The following LRPAP1 variants were observed in gnomAD, a reference collection of about 807,000 sequenced individuals.
The protein encoded by LRPAP1 is alpha-2-macroglobulin receptor-associated protein.
LRPAP1 carries 41 observed loss-of-function variants against 39.9 expected under a neutral mutation model. The observed-to-expected ratio is 1.03, with a 90% CI of 0.80 to 1.33. The LOEUF (loss-of-function observed/expected upper bound fraction) is 1.33. Among genes scored for constraint, LRPAP1 ranks in the 40% most tolerant of loss-of-function variants. LRPAP1 has a pLI of 0.00. For missense variants in LRPAP1, 565 were observed against 482.3 expected (o/e 1.17, Z -1.61); for synonymous variants, 263 against 212.7 (o/e 1.24, Z -2.06).
chr4:3,526,731 A>G (rs1272382182), intron 1 of LRPAP1, among the ~76,000 whole-genome samples: 1 of 152,164 alleles, frequency 6.6e-6, no homozygotes, highest in Non-Finnish European at 1.5e-5. Context: ...CTCTGCCTGT[A>G]TCTAGACTGA....
chr4:3,528,920 G>A (rs1230761945), intron 1 of LRPAP1, among the ~76,000 whole-genome samples: 1 of 152,210 alleles, frequency 6.6e-6, no homozygotes, highest in African/African-American at 2.4e-5. Flanking sequence ...GAGCTGGGGT[G>A]GGGCTCTGAG....
At chr4:3,517,843 A>G in intron 5 of LRPAP1, 191 bp downstream of exon 5, 1 of 583,960 alleles carries the variant, frequency 1.7e-6, no homozygotes, top group Non-Finnish European at 2.8e-6. Flanking sequence ...GGGGACGGCG[A>G]GTGACCTTCA....
Position 3,524,989 on chromosome 4 carries a change from G to A in LRPAP1, c.267C>T (p.Asp89=), listed in dbSNP as rs1444463983. 6.8e-6 allele frequency: 11 copies of A among 1,614,060 alleles called. No homozygotes were observed. Among genetic ancestry groups the A allele is most frequent in the African/African-American group, 1.3e-5 (1 of 75,014 alleles). ...GCTTTAGTTTCTTCCAGGCGAGTTC[G>A]TCCCTCTCCTGTATCTTCAGATCAG... ...LHADLKIQER[D]ELAWKKLKLD... Residue 89 remains aspartate (D), a synonymous_variant, in exon 2 of 8, where the codon GAC becomes GAT. Transcript: ENST00000650182.
chr4:3,524,192 G>C (rs2108694201), intron 2 of LRPAP1, among the ~76,000 whole-genome samples: 1 of 152,318 alleles, frequency 6.6e-6, no homozygotes, highest in African/African-American at 2.4e-5. Context: ...GGATGGCGGA[G>C]GAGAGGGGTC....
chr4:3,516,342 C>T, intron 5 of LRPAP1, 144 bp from the exon 6 acceptor site: 1 of 488,600 alleles, frequency 2.0e-6, no homozygotes, highest in Non-Finnish European at 3.5e-6. Context: ...GGTGCGTGCA[C>T]TCAAAGTCTT....
chr4:3,526,329 G>C (rs2108696181), intron 1 of LRPAP1, among the ~76,000 whole-genome samples: 1 of 152,314 alleles, frequency 6.6e-6, no homozygotes, highest in South Asian at 2.1e-4. Context: ...AGCTCCAGGT[G>C]CCCATCACCT....
intron 4 of LRPAP1, among the ~76,000 whole-genome samples, chr4:3,518,540 G>A (rs1010343302): frequency 3.9e-5 from 6 of 152,180 alleles, no homozygotes; most frequent in South Asian, 2.1e-4. Context: ...TCACACATTT[G>A]GGGAGGGTCA....
intron 2 of LRPAP1, among the ~76,000 whole-genome samples, chr4:3,523,605 G>A (rs1729986951): frequency 6.6e-6 from 1 of 152,180 alleles, no homozygotes; most frequent in African/African-American, 2.4e-5. Flanking sequence ...TGCAACTCCA[G>A]ACAAATCACC....
chr4:3,509,082 A>T lies in LRPAP1; in HGVS notation c.*3892T>A, dbSNP rs1221660608. 1 of 152,294 alleles carries T rather than the reference A, an allele frequency of 6.6e-6. No homozygotes were observed. The highest frequency in any genetic ancestry group is 1.5e-5 in the Non-Finnish European group (1 of 68,056). The allele number at this position is 152,294 out of a possible 1,614,324, so 9.4% of individuals were successfully genotyped here. A position where few individuals can be genotyped will look rare whatever the true frequency, so the allele number is the denominator to read the frequency against. ...GAAATAAAAATACACAGTCCTCAAT[A>T]GCATATCGAACACCTAGGACTAGAT... is the stretch of plus-strand genomic sequence containing the variant. On this transcript the variant is annotated 3_prime_UTR_variant, in exon 8 of 8. Coordinates refer to ENST00000650182, the MANE Select transcript of LRPAP1 (RefSeq NM_002337.4).
Position 3,520,144 on chromosome 4 carries a change from C to T in LRPAP1, c.399G>A (p.Val133=), listed in dbSNP as rs1729866005. The change falls in exon 3 of 8, where the codon GTG becomes GTA. Residue 133 remains valine (V), a synonymous_variant. Transcript: ENST00000650182. ...GLDGKKDARQ[V]TSNSLSGTQE... is the part of the protein sequence containing the mutation. The stretch of plus-strand genomic sequence containing the variant: ...GGGTGCCACTGAGGGAGTTGCTGGT[C>T]ACCTGCCGAGCGTCCTTCTTTCCGT... 1 of 1,614,058 alleles carries T rather than the reference C, an allele frequency of 6.2e-7. No homozygotes were observed. Among genetic ancestry groups the T allele is most frequent in the Non-Finnish European group, 8.5e-7 (1 of 1,180,042 alleles).
At chr4:3,532,171 C>T in intron 1 of LRPAP1, 38 bp downstream of exon 1, 1 of 1,544,086 alleles carries the variant, frequency 6.5e-7, no homozygotes, top group East Asian at 2.5e-5. Context: ...CGGCCCCCGC[C>T]CCCAGGCCCC....
chr4:3,513,775 G>A (rs1359448879), intron 7 of LRPAP1, among the ~76,000 whole-genome samples: 5 of 152,214 alleles, frequency 3.3e-5, no homozygotes, highest in Non-Finnish European at 7.3e-5. Context: ...AGCAGGTGCT[G>A]CGTCAGCCCA....
At chr4:3,520,574 C>T (rs553125110) in intron 2 of LRPAP1, among the ~76,000 whole-genome samples, 2 of 152,332 alleles carry the variant, frequency 1.3e-5, no homozygotes, top group East Asian at 3.9e-4. Flanking sequence ...CGACCAGCTG[C>T]ACAGATTTTC....
chr4:3,513,334 G>C (rs889192618), intron 7 of LRPAP1, among the ~76,000 whole-genome samples: 1 of 152,182 alleles, frequency 6.6e-6, no homozygotes, highest in African/African-American at 2.4e-5. Flanking sequence ...TACTGAAAGG[G>C]TCTCGCTCTG....
At chr4:3,521,391 G>A (rs939531523) in intron 2 of LRPAP1, among the ~76,000 whole-genome samples, 2 of 152,104 alleles carry the variant, frequency 1.3e-5, no homozygotes, top group Non-Finnish European at 2.9e-5. Context: ...GCCTTCACCC[G>A]TGACCCTACT....
rs1026514066 is a variant in LRPAP1 at position 3,510,811 on chromosome 4, A to G, written c.*2163T>C. ...GCCCAGAGCCATGCACGTGGAACCC[A>G]TGGCAGGCGGGAGGTAGGGAGCTGC... On this transcript the variant is annotated 3_prime_UTR_variant, in exon 8 of 8. Coordinates refer to ENST00000650182, the MANE Select transcript of LRPAP1 (RefSeq NM_002337.4). 1 of 152,312 alleles carries G rather than the reference A, an allele frequency of 6.6e-6. No homozygotes were observed. Among genetic ancestry groups the G allele is most frequent in the Non-Finnish European group, 1.5e-5 (1 of 68,072 alleles). The allele number at this position is 152,312 out of a possible 1,614,324, so 9.4% of individuals were successfully genotyped here.
At chr4:3,514,661 C>T in intron 7 of LRPAP1, 91 bp downstream of exon 7, 2 of 1,462,584 alleles carry the variant, frequency 1.4e-6, no homozygotes, top group South Asian at 1.3e-5. Flanking sequence ...GGCCCACACC[C>T]CATCTACAGG....
chr4:3,532,242 C>A lies in LRPAP1; in HGVS notation c.171G>T (p.Glu57Asp). 1 of 1,551,498 alleles carries A rather than the reference C, an allele frequency of 6.4e-7. No homozygotes were observed. The highest frequency in any genetic ancestry group is 2.4e-5 in the East Asian group (1 of 41,010). ...KRESGEEFRMEKLNQLWEKAQ... is the reference protein window; with the variant it reads ...KRESGEEFRMDKLNQLWEKAQ... ...CCTTCTCCCACAGCTGGTTCAACTT[C>A]TCCATGCGGAACTCCTCTCCGGACT... Residue 57 changes from glutamate to aspartate, a missense_variant, in exon 1 of 8, where the codon GAG becomes GAT. Coordinates refer to ENST00000650182, the MANE Select transcript of LRPAP1 (RefSeq NM_002337.4).
intron 7 of LRPAP1, among the ~76,000 whole-genome samples, chr4:3,513,518 A>G (rs1285672809): frequency 6.6e-6 from 1 of 152,172 alleles, no homozygotes; most frequent in African/African-American, 2.4e-5. Flanking sequence ...CATGTTGCCC[A>G]GGCTGGTCTC....
Sources: gnomAD v4.1 joint callset for allele counts (sites outside exome capture counted in the v4.1 genomes callset) on GRCh38, gnomAD v4.1.1 for gene constraint, MANE v1.5 for transcripts, NCBI Gene and HGNC (gene_info 2026-07-23, HGNC 2026-07-21) for gene names.